Variants in RABGAP1L observed in about 807,000 individuals in gnomAD.
The protein encoded by RABGAP1L is rab GTPase-activating protein 1-like.
RABGAP1L carries 63 observed loss-of-function variants against 137.7 expected under a neutral mutation model. The ratio of observed to expected loss-of-function variants is 0.46; its 90% CI spans 0.37 to 0.56. RABGAP1L has a LOEUF of 0.56. Among genes scored for constraint, RABGAP1L ranks in the 20% least tolerant of loss-of-function variants. RABGAP1L has a pLI of 0.00. For missense variants in RABGAP1L, 1,095 were observed against 1,244.0 expected (o/e 0.88, Z 1.80); for synonymous variants, 431 against 433.7 (o/e 0.99, Z 0.08).
At chr1:174,596,947 A>G (rs988474097) in intron 13 of RABGAP1L, among the ~76,000 whole-genome samples, 4 of 151,964 alleles carry the variant, frequency 2.6e-5, no homozygotes, top group African/African-American at 9.7e-5. Context: ...ATTTTATTGA[A>G]TGGTTTTTTT....
intron 6 of RABGAP1L, among the ~76,000 whole-genome samples, chr1:174,250,863 C>T (rs1047225835): frequency 2.0e-5 from 3 of 152,164 alleles, no homozygotes; most frequent in African/African-American, 4.8e-5. Flanking sequence ...TGCAATGGCA[C>T]GATCTCGACT....
intron 11 of RABGAP1L, among the ~76,000 whole-genome samples, chr1:174,351,149 T>C (rs1683150630): frequency 6.6e-6 from 1 of 151,956 alleles, no homozygotes; most frequent in Admixed American, 6.6e-5. Flanking sequence ...CTTGAAAAGT[T>C]GTAGTTATTT....
At chr1:174,328,207 C>T (rs1312849794) in intron 11 of RABGAP1L, among the ~76,000 whole-genome samples, 1 of 151,636 alleles carries the variant, frequency 6.6e-6, no homozygotes, top group African/African-American at 2.4e-5. Flanking sequence ...ACCTAACAGA[C>T]ATTTATAGAA....
At chr1:174,742,559 C>CT (rs1683533418) in intron 17 of RABGAP1L, among the ~76,000 whole-genome samples, 1 of 152,128 alleles carries the variant, frequency 6.6e-6, no homozygotes, top group Admixed American at 6.5e-5. Context: ...CACAAGAACT[C>CT]TAACAAAAGA....
At chr1:174,467,446 G>C (rs77848887) in intron 13 of RABGAP1L, among the ~76,000 whole-genome samples, 3,049 of 151,696 alleles carry the variant, frequency 0.02, 109 homozygotes, top group African/African-American at 0.071. Context: ...ATAAAGTTGA[G>C]AATTGCCTGG....
At chr1:174,700,985 A>G in intron 16 of RABGAP1L, 2 of 1,135,894 alleles carry the variant, frequency 1.8e-6, no homozygotes, top group Non-Finnish European at 2.3e-6. Flanking sequence ...AGTTAACTGA[A>G]TGAGCATTTG....
At chr1:174,693,680 C>T (rs924232126) in intron 15 of RABGAP1L, among the ~76,000 whole-genome samples, 10 of 151,986 alleles carry the variant, frequency 6.6e-5, no homozygotes, top group Admixed American at 6.6e-4. Flanking sequence ...AAGCTGAGAG[C>T]TGACTATATG....
At position 174,957,490 on chromosome 1, in the gene RABGAP1L, G is replaced by C; in HGVS notation, c.2374G>C (p.Glu792Gln). 6.2e-7 allele frequency: 1 copy of C among 1,613,618 alleles called. No individual in the cohort carries two copies. The highest frequency in any genetic ancestry group is 8.5e-7 in the Non-Finnish European group (1 of 1,179,610). ...PTKKLKKYEKEYQTMRESQLQ... is the reference protein window; with the variant it reads ...PTKKLKKYEKQYQTMRESQLQ... The stretch of plus-strand genomic sequence containing the variant: ...CAAGAAGCTGAAGAAATATGAGAAA[G>C]AATATCAGACAATGCGAGAGAGTCA... Residue 792 changes from glutamate to glutamine, a missense_variant, in exon 20 of 26, where the codon GAA becomes CAA. Physicochemically the swap from Glu to Gln is conservative, Grantham distance 29. Around this residue, in one of 4 missense-constraint regions of RABGAP1L, gnomAD observed 312 missense variants for 435.6 expected, o/e 0.72. Coordinates refer to ENST00000681986, the MANE Select transcript of RABGAP1L (RefSeq NM_001366446.1).
chr1:174,835,071 A>G (rs1692600147), intron 19 of RABGAP1L, among the ~76,000 whole-genome samples: 1 of 152,202 alleles, frequency 6.6e-6, no homozygotes, highest in African/African-American at 2.4e-5. Context: ...GATTAAAGAT[A>G]CATTTTGAAG....
At chr1:174,486,202 CTATT>C (rs1659617284) in intron 13 of RABGAP1L, among the ~76,000 whole-genome samples, 1 of 135,420 alleles carries the variant, frequency 7.4e-6, no homozygotes. Context: ...ACCTCTGATT[CTATT>C]TATTTGGTTC....
intron 19 of RABGAP1L, chr1:174,897,211 A>T (rs1657348931): frequency 6.6e-6 from 1 of 152,120 alleles, no homozygotes; most frequent in South Asian, 2.1e-4. Flanking sequence ...TGTGAATGGG[A>T]GTTCACTCAT....
intron 13 of RABGAP1L, among the ~76,000 whole-genome samples, chr1:174,400,004 T>C (rs964454273): frequency 4.6e-5 from 7 of 152,144 alleles, no homozygotes; most frequent in African/African-American, 1.7e-4. Context: ...AGTCTACCAT[T>C]TAAATCTATA....
At chr1:174,616,228 C>T (rs539499466) in intron 13 of RABGAP1L, among the ~76,000 whole-genome samples, 27 of 152,296 alleles carry the variant, frequency 1.8e-4, no homozygotes, top group Admixed American at 1.2e-3. Flanking sequence ...GGGTGCCCCC[C>T]GTTGGTATGC....
intron 13 of RABGAP1L, among the ~76,000 whole-genome samples, chr1:174,404,055 T>G (rs1648964547): frequency 6.6e-6 from 1 of 152,210 alleles, no homozygotes; most frequent in African/African-American, 2.4e-5. Flanking sequence ...GGCTAGGCTC[T>G]CTATTGTTTC....
intron 7 of RABGAP1L, among the ~76,000 whole-genome samples, chr1:174,265,761 G>C (rs993480223): frequency 1.4e-5 from 2 of 146,802 alleles, no homozygotes; most frequent in Non-Finnish European, 3.0e-5. Context: ...TATTTTCTCT[G>C]TACTGGTATT....
intron 21 of RABGAP1L, among the ~76,000 whole-genome samples, chr1:174,969,874 G>A (rs1268671078): frequency 1.3e-5 from 2 of 152,204 alleles, no homozygotes; most frequent in Non-Finnish European, 2.9e-5. Flanking sequence ...CACCACCACT[G>A]TGAACCATAT....
chr1:174,952,470 C>T (rs1169031871), intron 19 of RABGAP1L, among the ~76,000 whole-genome samples: 2 of 151,642 alleles, frequency 1.3e-5, no homozygotes, highest in Non-Finnish European at 2.9e-5. Context: ...GTGATTGCGC[C>T]ACTGCACTCC....
In RABGAP1L at chr1:174,448,873, G is replaced by A. The variant is rs774567932; in HGVS notation, c.1710+54728G>A. 1 of 1,613,686 alleles carries A rather than the reference G, an allele frequency of 6.2e-7. No individual in the cohort carries two copies. The highest frequency in any genetic ancestry group is 1.7e-5 in the Admixed American group (1 of 60,000). ...GTCATGAGGTAGATTCTTCCAGAGA[G>A]ACTGGACACAGCCCTGACCGTCGCT... On this transcript the variant is annotated intron_variant, in intron 13 of 25. Coordinates refer to ENST00000681986, the MANE Select transcript of RABGAP1L (RefSeq NM_001366446.1). This position sits in a 1 kb window ranked among gnomAD's most constrained non-coding sequence, Gnocchi z 4.2.
chr1:174,841,651 A>G (rs950865717), intron 19 of RABGAP1L, among the ~76,000 whole-genome samples: 1 of 152,070 alleles, frequency 6.6e-6, no homozygotes, highest in Non-Finnish European at 1.5e-5. Flanking sequence ...TATAAAATCA[A>G]AAAGTAGACA....
Sources: gnomAD v4.1 joint callset for allele counts (sites outside exome capture counted in the v4.1 genomes callset) on GRCh38, gnomAD v4.1.1 for gene constraint, gnomAD v4.1.1 regional missense constraint, Gnocchi (gnomAD v3.1) non-coding constraint, MANE v1.5 for transcripts, NCBI Gene and HGNC (gene_info 2026-07-23, HGNC 2026-07-21) for gene names.